MRPS25: variants seen among roughly 807,000 people sequenced by gnomAD.
MRPS25 encodes the protein mitochondrial ribosomal protein S25.
A neutral mutation model predicts 17.3 loss-of-function variants in MRPS25; 15 were observed. The observed-to-expected ratio is 0.87, with a 90% confidence interval of 0.58 to 1.34. The LOEUF (loss-of-function observed/expected upper bound fraction) is 1.34. Among genes scored for constraint, MRPS25 ranks in the 40% most tolerant of loss-of-function variants. The pLI, the probability that MRPS25 is intolerant of heterozygous loss-of-function variation, is 0.00. For missense variants in MRPS25, 225 were observed against 218.6 expected (o/e 1.03, Z -0.19); for synonymous variants, 94 against 83.3 (o/e 1.13, Z -0.70).
At chr3:15,057,636 T>C (rs562996991) in intron 2 of MRPS25, among the ~76,000 whole-genome samples, 1 of 152,206 alleles carries the variant, frequency 6.6e-6, no homozygotes, top group Non-Finnish European at 1.5e-5. Context: ...AACCAGAAAG[T>C]GGCACTAAGG....
chr3:15,063,642 G>A (rs1352623870), intron 1 of MRPS25, among the ~76,000 whole-genome samples: 3 of 152,198 alleles, frequency 2.0e-5, no homozygotes, highest in African/African-American at 7.2e-5. Context: ...AAATATCTGA[G>A]AATGTAAGTA....
Position 15,052,300 on chromosome 3 carries a change from GGT to G in MRPS25, c.*139_*140del. 6.9e-7 allele frequency: 1 copy of G among 1,451,746 alleles called. No individual in the cohort carries two copies. Among genetic ancestry groups the G allele is most frequent in the Non-Finnish European group, 9.1e-7 (1 of 1,104,664 alleles). The allele number at this position is 1,451,746 out of a possible 1,614,324, so 89.9% of individuals were successfully genotyped here. ...CTCCTCTCCCACATCCTTTTACACAGGTGTGTAAAGTCCTTTTAATGCAAAAG... is the reference window on the plus strand; with the variant it reads ...CTCCTCTCCCACATCCTTTTACACAGGTGTAAAGTCCTTTTAATGCAAAAG... On this transcript the variant is annotated 3_prime_UTR_variant, in exon 4 of 4. Coordinates refer to ENST00000253686, the MANE Select transcript of MRPS25 (RefSeq NM_022497.5).
intron 2 of MRPS25, among the ~76,000 whole-genome samples, chr3:15,057,532 C>T (rs1399080931): frequency 6.6e-6 from 1 of 152,192 alleles, no homozygotes; most frequent in Non-Finnish European, 1.5e-5. Flanking sequence ...CAAGGGAACA[C>T]ATACTGTGAG....
downstream of MRPS25, chr3:15,045,390 T>TG (rs1037893451): frequency 3.4e-4 from 52 of 152,838 alleles, no homozygotes; most frequent in African/African-American, 1.2e-3. Context: ...TGTTGGGCTG[T>TG]GGTGAAACAA....
rs762185729 is a variant in MRPS25, at chr3:15,059,380, C to T, written c.230G>A (p.Arg77Gln). 8.7e-6 allele frequency: 14 copies of T among 1,612,096 alleles called. No individual in the cohort carries two copies. Among genetic ancestry groups the T allele is most frequent in the East Asian group, 6.7e-5 (3 of 44,884 alleles). ...FKNMTPSPFLRFYLDSGEQVL... is the reference protein window; with the variant it reads ...FKNMTPSPFLQFYLDSGEQVL... ...AGGGCCCCACTCACCTAAGTAGAAT[C>T]GCAGGAAGGGTGACGGCGTCATGTT... Residue 77 changes from arginine to glutamine, a missense_variant, in exon 2 of 4, where the codon CGA (arginine) becomes CAA (glutamine). Physicochemically the swap from Arg to Gln is conservative, Grantham distance 43. Transcript: ENST00000253686.
chr3:15,063,490 C>T (rs1042547042), intron 1 of MRPS25, among the ~76,000 whole-genome samples: 2 of 152,038 alleles, frequency 1.3e-5, no homozygotes, highest in South Asian at 2.1e-4. Context: ...GGGAGGACTG[C>T]GGCTAGCCAG....
intron 2 of MRPS25, among the ~76,000 whole-genome samples, chr3:15,055,131 G>A (rs112237180): frequency 2.6e-5 from 4 of 152,254 alleles, no homozygotes; most frequent in African/African-American, 7.2e-5. Context: ...CAGCCAGATC[G>A]CAAGAGAACT....
intron 2 of MRPS25, among the ~76,000 whole-genome samples, chr3:15,054,936 T>A (rs2042650849): frequency 6.6e-6 from 1 of 152,178 alleles, no homozygotes; most frequent in African/African-American, 2.4e-5. Context: ...CTGAGTAATT[T>A]ATAGAGAAAA....
At chr3:15,053,174 C>T in intron 3 of MRPS25, 4 of 1,205,706 alleles carry the variant, frequency 3.3e-6, no homozygotes, top group East Asian at 2.7e-5. Context: ...ACTGTACAGC[C>T]AAGGGAGATA....
rs780882237 is a variant in MRPS25 at position 15,052,627 on chromosome 3, GGTTTCCCTGCCAAA to G, written c.330-8_335del. ...TTTTCTCCTCCTCCTCTTCCCTGAG[GGTTTCCCTGCCAAA>G]GAGCACAGACGGCAACCAAGCATTG... On this transcript the variant is annotated splice_acceptor_variant and splice_polypyrimidine_tract_variant and coding_sequence_variant and intron_variant, in exon 4 of 4. Coordinates refer to ENST00000253686, the MANE Select transcript of MRPS25 (RefSeq NM_022497.5). LOFTEE classifies it high-confidence loss of function. 2 of 1,613,656 alleles carry G rather than the reference GGTTTCCCTGCCAAA, an allele frequency of 1.2e-6. No individual in the cohort carries two copies. The highest frequency in any genetic ancestry group is 1.7e-6 in the Non-Finnish European group (2 of 1,179,844).
At chr3:15,053,293 C>T in intron 3 of MRPS25, 87 bp downstream of exon 3, 1 of 1,590,428 alleles carries the variant, frequency 6.3e-7, no homozygotes, top group Non-Finnish European at 8.6e-7. Flanking sequence ...AATCTTACCT[C>T]TCAACACCCT....
chr3:15,054,965 A>G (rs540600), intron 2 of MRPS25, among the ~76,000 whole-genome samples: 152,372 of 152,372 alleles, frequency 1, 76,186 homozygotes, highest in Non-Finnish European at 1. Context: ...ATTGGCTCAT[A>G]GTTCTGCAGG....
chr3:15,045,479 T>A (rs2042417005), downstream of MRPS25: 2 of 152,738 alleles, frequency 1.3e-5, no homozygotes, highest in Admixed American at 1.3e-4. Context: ...TTGCTGGTGA[T>A]GGCTGATTCC....
intron 2 of MRPS25, among the ~76,000 whole-genome samples, chr3:15,056,451 T>A (rs970801288): frequency 6.6e-6 from 1 of 152,168 alleles, no homozygotes; most frequent in Non-Finnish European, 1.5e-5. Context: ...GTGATTCGAG[T>A]TAAGGGCCTT....
chr3:15,060,750 G>A (rs928735801), intron 1 of MRPS25, among the ~76,000 whole-genome samples: 10 of 151,634 alleles, frequency 6.6e-5, no homozygotes, highest in South Asian at 2.1e-4. Context: ...GCGTGGTGGC[G>A]GGCACTTGTA....
intron 1 of MRPS25, among the ~76,000 whole-genome samples, chr3:15,064,357 T>C (rs61541292): frequency 0.019 from 2,949 of 152,248 alleles, 92 homozygotes; most frequent in African/African-American, 0.067. Flanking sequence ...TGCTCCAAGC[T>C]GAAAGACATC....
chr3:15,060,811 G>A (rs1464215460), intron 1 of MRPS25, among the ~76,000 whole-genome samples: 4 of 152,122 alleles, frequency 2.6e-5, no homozygotes, highest in Non-Finnish European at 5.9e-5. Context: ...AATCCAGGAG[G>A]CAGAGCTTGC....
rs1447262306 is a variant in MRPS25, at chr3:15,057,170, C to T, written c.241+2199G>A. Among the ~76,000 whole-genome samples the T allele has an allele frequency of 2.0e-5, 3 of 152,344 alleles. No homozygotes were observed. In the East Asian group the frequency reaches 5.8e-4, roughly 29 times the overall value. ...GGATCTGCGCAGCACTTGGGCAGCCCGTGCTCTCCCTGGCCGGGGCCTAGG... is the reference window on the plus strand; with the variant it reads ...GGATCTGCGCAGCACTTGGGCAGCCTGTGCTCTCCCTGGCCGGGGCCTAGG... On this transcript the variant is annotated intron_variant, in intron 2 of 3. Coordinates refer to ENST00000253686, the MANE Select transcript of MRPS25 (RefSeq NM_022497.5).
Position 15,049,711 on chromosome 3 carries a change from T to C in MRPS25, c.*2730A>G. 1 of 578,868 alleles carries C rather than the reference T, an allele frequency of 1.7e-6. No individual in the cohort carries two copies. Among genetic ancestry groups the C allele is most frequent in the Non-Finnish European group, 3.0e-6 (1 of 333,378 alleles). The allele number at this position is 578,868 out of a possible 1,614,324, so 35.9% of individuals were successfully genotyped here. Reference sequence around the variant, plus strand: ...CATATTCATTATGTCATCTGACCTCTCATGTTCCAGGTGAAAATTCTGAGG... The same window carrying C: ...CATATTCATTATGTCATCTGACCTCCCATGTTCCAGGTGAAAATTCTGAGG... On this transcript the variant is annotated 3_prime_UTR_variant, in exon 4 of 4. Transcript: ENST00000253686.
Sources: allele counts gnomAD v4.1 joint callset (sites outside exome capture counted in the v4.1 genomes callset), GRCh38; gene constraint gnomAD v4.1.1; transcripts MANE v1.5; gene names NCBI Gene and HGNC (gene_info 2026-07-23, HGNC 2026-07-21).